BRCA1: variants seen among roughly 807,000 people sequenced by gnomAD.
BRCA1 encodes the protein breast cancer type 1 susceptibility protein.
A neutral mutation model predicts 173.7 loss-of-function variants in BRCA1; 140 were observed. The ratio of observed to expected loss-of-function variants is 0.81; its 90% CI spans 0.70 to 0.93. The LOEUF (loss-of-function observed/expected upper bound fraction) is 0.93. BRCA1 is among the 40% of genes least tolerant of loss of function. The pLI is 0.00. For synonymous variants in BRCA1, 662 were observed against 756.0 expected, an observed-to-expected ratio of 0.88 and a Z score of 2.04; for missense variants, 1,983 against 2,172.5, an observed-to-expected ratio of 0.91 and a Z score of 1.73.
intron 15 of BRCA1, among the ~76,000 whole-genome samples, chr17:43,068,993 T>G (rs2052269651): frequency 6.6e-6 from 1 of 152,222 alleles, no homozygotes; most frequent in African/African-American, 2.4e-5. Flanking sequence ...TAAATAACTT[T>G]GTTTACCAAG....
At position 43,044,435 on chromosome 17, in the gene BRCA1, TC is replaced by T. The variant is rs2050784932; in HGVS notation, c.*1242del. The T allele has an allele frequency of 2.0e-6, 1 of 508,188 alleles. No homozygotes were observed. Among genetic ancestry groups the T allele is most frequent in the South Asian group, 1.5e-5 (1 of 64,900 alleles). 31.5% of individuals were successfully genotyped at this position (508,188 alleles called of 1,614,324 possible). On this transcript the variant is annotated 3_prime_UTR_variant, in exon 23 of 23. Transcript: ENST00000357654. ...TAGTCCTTCCAACAGCTATAAACAG[TC>T]CTGGATAATGGGTTTATGAAAAACA... is the stretch of plus-strand genomic sequence containing the variant.
rs80358051 is a variant in BRCA1 at position 43,104,264 on chromosome 17, G to A, written c.302-3C>T. ...TGCAAAATTATAGCTGTTTGCATCT[G>A]TAAAATACAAGGGAAAACATTATGT... is the stretch of plus-strand genomic sequence containing the variant. On this transcript the variant is annotated splice_polypyrimidine_tract_variant and splice_region_variant and intron_variant, in intron 5 of 22. Transcript: ENST00000357654. 1.9e-6 allele frequency: 3 copies of A among 1,608,504 alleles called. No homozygotes were observed. Among genetic ancestry groups the A allele is most frequent in the African/African-American group, 1.3e-5 (1 of 74,882 alleles).
At chr17:43,154,357 G>A (rs1332566973) in intron 1 of BRCA1, among the ~76,000 whole-genome samples, 5 of 151,904 alleles carry the variant, frequency 3.3e-5, no homozygotes, top group Admixed American at 1.3e-4. Flanking sequence ...GGTGGCAGGC[G>A]CCTGTAATCC....
At chr17:43,101,409 C>T (rs775791214) in intron 6 of BRCA1, among the ~76,000 whole-genome samples, 6 of 151,814 alleles carry the variant, frequency 4.0e-5, no homozygotes, top group Non-Finnish European at 8.8e-5. Context: ...ATTGCCTAGG[C>T]TGGTCTTGAA....
chr17:43,047,864 T>C (rs1049695215), intron 21 of BRCA1, among the ~76,000 whole-genome samples, 161 bp from the exon 22 acceptor site: 5 of 151,750 alleles, frequency 3.3e-5, no homozygotes, highest in Admixed American at 3.3e-4. Flanking sequence ...CTCTGCCTCC[T>C]GGGCTCAAGC....
intron 14 of BRCA1, among the ~76,000 whole-genome samples, chr17:43,073,158 C>G (rs1369043342): frequency 1.3e-5 from 2 of 151,896 alleles, no homozygotes; most frequent in African/African-American, 4.8e-5. Context: ...ATAACAAGAC[C>G]CGTGTCTAAC....
chr17:43,057,252 G>A (rs2153415036), intron 18 of BRCA1, 117 bp from the exon 19 acceptor site: 1 of 943,362 alleles, frequency 1.1e-6, no homozygotes. Flanking sequence ...GCTCACCCCT[G>A]TAATCCTAGC....
In BRCA1 at chr17:43,091,871, A is replaced by G. The variant is rs1365746397; in HGVS notation, c.3660T>C (p.Asp1220=). 1.2e-6 allele frequency: 2 copies of G among 1,614,148 alleles called. No individual in the cohort carries two copies. Among genetic ancestry groups the G allele is most frequent in the East Asian group, 2.2e-5 (1 of 44,886 alleles). Residue 1220 remains aspartate, a synonymous_variant, in exon 10 of 23, where the codon GAT becomes GAC. Coordinates refer to ENST00000357654, the MANE Select transcript of BRCA1 (RefSeq NM_007294.4). ...ESSEENLSSE[D]EELPCFQHLL... is the part of the protein sequence containing the mutation. ...AGTGTTGGAAGCAGGGAAGCTCTTC[A>G]TCCTCACTAGATAAGTTCTCTTCTG...
intron 11 of BRCA1, among the ~76,000 whole-genome samples, chr17:43,089,240 C>T (rs530610389): frequency 8.2e-4 from 124 of 152,132 alleles, no homozygotes; most frequent in South Asian, 1.7e-3. Flanking sequence ...TCACTTGATC[C>T]TGAACCTGGG....
chr17:43,063,993 A>G, intron 16 of BRCA1, 42 bp from the exon 17 acceptor site: 1 of 1,581,814 alleles, frequency 6.3e-7, no homozygotes, highest in African/African-American at 1.3e-5. Context: ...AGTTGAAAAC[A>G]AAATCAGGAA....
At chr17:43,099,452 G>A (rs1206384075) in intron 7 of BRCA1, among the ~76,000 whole-genome samples, 2 of 151,010 alleles carry the variant, frequency 1.3e-5, no homozygotes, top group African/African-American at 4.9e-5. Flanking sequence ...TTATTTTTTG[G>A]TACAGACAGA....
intron 14 of BRCA1, among the ~76,000 whole-genome samples, chr17:43,073,709 T>C (rs947849308): frequency 6.6e-6 from 1 of 152,072 alleles, no homozygotes; most frequent in Admixed American, 6.6e-5. Context: ...TCTTTGGCCT[T>C]TGGACTCTTG....
rs183831660 is a variant in BRCA1, at chr17:43,056,737, A to G, written c.5277+315T>C. 2.0e-3 allele frequency among the ~76,000 whole-genome samples: 301 copies of G among 152,276 alleles called. 3 individuals carry two copies. The highest frequency in any genetic ancestry group is 6.8e-3 in the Middle Eastern group (2 of 294). On this transcript the variant is annotated intron_variant, in intron 19 of 22. Coordinates refer to ENST00000357654, the MANE Select transcript of BRCA1 (RefSeq NM_007294.4). The stretch of plus-strand genomic sequence containing the variant: ...AGAGAAAGACACCCCAGTGAAGTGA[A>G]AAGAGCAAAGTCTTTAGATTCTCAT...
chr17:43,166,860 C>T (rs1324896890), intron 1 of BRCA1: 1 of 151,576 alleles, frequency 6.6e-6, no homozygotes, highest in African/African-American at 2.4e-5. Flanking sequence ...GGCAAGTTCC[C>T]AAGACCAATC....
chr17:43,050,390 C>T (rs910252471), intron 20 of BRCA1, among the ~76,000 whole-genome samples: 3 of 151,782 alleles, frequency 2.0e-5, no homozygotes, highest in Non-Finnish European at 2.9e-5. Context: ...GGGTGGATCA[C>T]GAGGTCAGGA....
Position 43,094,828 on chromosome 17 carries a change from TTG to T in BRCA1, c.701_702del (p.Thr234LysfsTer3). The T allele has an allele frequency of 6.2e-7, 1 of 1,613,780 alleles. No homozygotes were observed. The highest frequency in any genetic ancestry group is 8.5e-7 in the Non-Finnish European group (1 of 1,179,918). Reference sequence around the variant, plus strand: ...TTACTGGGTTGATGATGTTCAGTATTTGTTACATCCGTCTCAGAAAATTCACA... The same window carrying T: ...TTACTGGGTTGATGATGTTCAGTATTTTACATCCGTCTCAGAAAATTCACA... ...AACEFSETDV[T>X]NTEHHQPSNN... On this transcript the variant is annotated frameshift_variant, in exon 10 of 23. Transcript: ENST00000357654. LOFTEE classifies it high-confidence loss of function.
At chr17:43,068,264 G>A (rs1170661296) in intron 15 of BRCA1, among the ~76,000 whole-genome samples, 4 of 147,386 alleles carry the variant, frequency 2.7e-5, no homozygotes, top group East Asian at 4.0e-4. Flanking sequence ...GCGAGAGTGC[G>A]AGACTCCGTC....
intron 11 of BRCA1, among the ~76,000 whole-genome samples, chr17:43,087,711 G>A (rs2053284219): frequency 6.7e-6 from 1 of 150,206 alleles, no homozygotes; most frequent in South Asian, 2.1e-4. Flanking sequence ...TCCAGTAAAA[G>A]CTAGATTATA....
intron 15 of BRCA1, among the ~76,000 whole-genome samples, chr17:43,069,942 CTTATTA>C (rs1200388778): frequency 6.6e-6 from 1 of 152,070 alleles, no homozygotes; most frequent in Non-Finnish European, 1.5e-5. Context: ...AATTCTTCTT[CTTATTA>C]TTGAGACAGA....
Sources: gnomAD v4.1 joint callset for allele counts (sites outside exome capture counted in the v4.1 genomes callset) on GRCh38, gnomAD v4.1.1 for gene constraint, MANE v1.5 for transcripts, NCBI Gene and HGNC (gene_info 2026-07-23, HGNC 2026-07-21) for gene names.